The following ZFPM2 variants were observed in gnomAD, a reference collection of about 807,000 sequenced individuals.
ZFPM2 encodes the protein zinc finger protein, FOG family member 2.
Under a neutral mutation model 98.6 loss-of-function variants are expected in ZFPM2, and 20 were observed. That is an observed-to-expected ratio of 0.20 (90% CI 0.14 to 0.29). The LOEUF (loss-of-function observed/expected upper bound fraction) is 0.29, where lower values mean the gene tolerates loss of function less well. Among genes scored for constraint, ZFPM2 ranks in the 10% least tolerant of loss-of-function variants. The pLI is 1.00. For missense variants in ZFPM2, 1,310 were observed against 1,388.6 expected (o/e 0.94, Z 0.90); for synonymous variants, 518 against 502.7 (o/e 1.03, Z -0.41).
intron 3 of ZFPM2, among the ~76,000 whole-genome samples, chr8:105,532,602 A>C (rs1814320726): frequency 6.6e-6 from 1 of 152,196 alleles, no homozygotes; most frequent in South Asian, 2.1e-4. Flanking sequence ...CATGTTAATG[A>C]ATAGAGTGCT....
chr8:105,734,513 A>G (rs1035047628), intron 5 of ZFPM2, among the ~76,000 whole-genome samples: 6 of 151,902 alleles, frequency 3.9e-5, no homozygotes, highest in African/African-American at 1.4e-4. Flanking sequence ...TATCCACGAG[A>G]TGGTTAATTC....
intron 5 of ZFPM2, among the ~76,000 whole-genome samples, chr8:105,705,861 G>A (rs373553167): frequency 2.0e-5 from 3 of 152,258 alleles, no homozygotes; most frequent in East Asian, 1.9e-4. Context: ...CTACTGAGGC[G>A]AAATGAATGA....
intron 2 of ZFPM2, among the ~76,000 whole-genome samples, chr8:105,420,610 C>T (rs1811772954): frequency 6.6e-6 from 1 of 151,972 alleles, no homozygotes; most frequent in African/African-American, 2.4e-5. Flanking sequence ...AGCCTTTTTT[C>T]CTAGTGTTGA....
intron 1 of ZFPM2, among the ~76,000 whole-genome samples, chr8:105,357,847 C>G (rs1437064998): frequency 6.6e-6 from 1 of 152,158 alleles, no homozygotes; most frequent in Non-Finnish European, 1.5e-5. Context: ...CTGCCACTGC[C>G]TGTTACTGGG....
Position 105,352,385 on chromosome 8 carries a change from A to C in ZFPM2, c.40+33404A>C, listed in dbSNP as rs147638516. Among the ~76,000 whole-genome samples the C allele has an allele frequency of 5.3e-5, 8 of 152,304 alleles. No homozygotes were observed. In the East Asian group the frequency reaches 1.5e-3, roughly 29 times the overall value. ...ATCAATTATAATTTATATGATTACTAGGACATAGTTTTTCTTAACATTCTT... is the reference window on the plus strand; with the variant it reads ...ATCAATTATAATTTATATGATTACTCGGACATAGTTTTTCTTAACATTCTT... On this transcript the variant is annotated intron_variant, in intron 1 of 7. Transcript: ENST00000407775.
chr8:105,745,927 T>C (rs1812333205), intron 5 of ZFPM2, among the ~76,000 whole-genome samples: 1 of 152,012 alleles, frequency 6.6e-6, no homozygotes, highest in Admixed American at 6.6e-5. Context: ...ATCCAGCTAA[T>C]TTTTGTATTT....
chr8:105,650,665 G>C (rs1257343478), intron 5 of ZFPM2, among the ~76,000 whole-genome samples: 2 of 152,218 alleles, frequency 1.3e-5, no homozygotes, highest in Non-Finnish European at 2.9e-5. Context: ...AGGTTGTTCA[G>C]TTTCCGTGTA....
intron 5 of ZFPM2, among the ~76,000 whole-genome samples, chr8:105,735,239 G>A (rs959087963): frequency 6.6e-6 from 1 of 150,806 alleles, no homozygotes; most frequent in Non-Finnish European, 1.5e-5. Flanking sequence ...GAAAATGTGT[G>A]ATTTGTTAGC....
intron 3 of ZFPM2, among the ~76,000 whole-genome samples, chr8:105,505,691 A>T (rs1249662186): frequency 6.6e-6 from 1 of 152,178 alleles, no homozygotes; most frequent in Non-Finnish European, 1.5e-5. Flanking sequence ...AAATATTATT[A>T]CTACTCCTTT....
chr8:105,330,579 T>TAC (rs1359382896), intron 1 of ZFPM2, among the ~76,000 whole-genome samples: 5 of 96,436 alleles, frequency 5.2e-5, no homozygotes, highest in Admixed American at 4.2e-4. Flanking sequence ...CATATATATA[T>TAC]ACATATATAT....
chr8:105,592,872 A>G (rs1276208434), intron 4 of ZFPM2, among the ~76,000 whole-genome samples: 1 of 152,192 alleles, frequency 6.6e-6, no homozygotes, highest in Non-Finnish European at 1.5e-5. Context: ...CCAATTTGAA[A>G]TGCAGAAATG....
intron 5 of ZFPM2, among the ~76,000 whole-genome samples, chr8:105,751,063 G>C (rs949255041): frequency 6.6e-6 from 1 of 152,000 alleles, no homozygotes; most frequent in Non-Finnish European, 1.5e-5. Flanking sequence ...AAAGTATTCT[G>C]TATGTTAGCC....
intron 5 of ZFPM2, among the ~76,000 whole-genome samples, chr8:105,710,710 T>TGG: frequency 6.7e-6 from 1 of 148,248 alleles, no homozygotes; most frequent in African/African-American, 2.6e-5. Flanking sequence ...TGTATGTGTG[T>TGG]GTGGGGGGGT....
At chr8:105,475,653 C>T (rs917270232) in intron 3 of ZFPM2, among the ~76,000 whole-genome samples, 5 of 152,222 alleles carry the variant, frequency 3.3e-5, no homozygotes, top group East Asian at 1.9e-4. Flanking sequence ...ATTAGAAAAG[C>T]GTTTTTAACA....
At chr8:105,669,168 GGA>G (rs1332128751) in intron 5 of ZFPM2, among the ~76,000 whole-genome samples, 1 of 151,924 alleles carries the variant, frequency 6.6e-6, no homozygotes, top group Non-Finnish European at 1.5e-5. Context: ...GGAAAACTTT[GGA>G]GAGATTTGGT....
chr8:105,421,952 CAGG>C (rs1666541521), intron 2 of ZFPM2, among the ~76,000 whole-genome samples: 1 of 140,826 alleles, frequency 7.1e-6, no homozygotes, highest in African/African-American at 2.7e-5. Flanking sequence ...GAGGCTGAGA[CAGG>C]AGAATTGCTT....
intron 1 of ZFPM2, among the ~76,000 whole-genome samples, chr8:105,401,699 C>A (rs889948908): frequency 6.6e-6 from 1 of 152,006 alleles, no homozygotes; most frequent in African/African-American, 2.4e-5. Flanking sequence ...GTATTTGAAC[C>A]CCAAACTATC....
At chr8:105,352,645 G>T (rs536512003) in intron 1 of ZFPM2, among the ~76,000 whole-genome samples, 24 of 150,660 alleles carry the variant, frequency 1.6e-4, no homozygotes, top group African/African-American at 5.9e-4. Flanking sequence ...TGATTTGCTC[G>T]AGCAGATGAA....
intron 5 of ZFPM2, among the ~76,000 whole-genome samples, chr8:105,726,428 A>G (rs1320998319): frequency 6.6e-6 from 1 of 151,838 alleles, no homozygotes; most frequent in East Asian, 1.9e-4. Context: ...GTATTTGTAC[A>G]ATGTAAATAA....
Sources: allele counts gnomAD v4.1 joint callset (sites outside exome capture counted in the v4.1 genomes callset), GRCh38; gene constraint gnomAD v4.1.1; transcripts MANE v1.5; gene names NCBI Gene and HGNC (gene_info 2026-07-23, HGNC 2026-07-21).